The following PPP6R2 variants were observed in gnomAD, a reference collection of about 807,000 sequenced individuals.
PPP6R2 encodes serine/threonine-protein phosphatase 6 regulatory subunit 2.
Under a neutral mutation model 100.2 loss-of-function variants are expected in PPP6R2, and 62 were observed. The observed-to-expected ratio is 0.62, with a 90% CI of 0.50 to 0.76. The LOEUF (loss-of-function observed/expected upper bound fraction) is 0.76, where lower values mean the gene tolerates loss of function less well. Ranked by LOEUF, PPP6R2 falls within the 30% of genes least tolerant of loss-of-function variation. PPP6R2 has a pLI of 0.00. For missense variants in PPP6R2, 1,142 were observed against 1,276.3 expected, an observed-to-expected ratio of 0.89 and a Z score of 1.60; for synonymous variants, 525 against 514.7, an observed-to-expected ratio of 1.02 and a Z score of -0.27.
upstream of PPP6R2, among the ~76,000 whole-genome samples, chr22:50,339,718 GGGTGTGTGT>G (rs2042347974): frequency 7.2e-6 from 1 of 139,022 alleles, no homozygotes; most frequent in African/African-American, 2.7e-5. Context: ...GGTGTGTGTA[GGGTGTGTGT>G]TGTGTGTGTG....
chr22:50,437,986 G>C, intron 17 of PPP6R2, 86 bp downstream of exon 17: 2 of 1,539,162 alleles, frequency 1.3e-6, no homozygotes, highest in Admixed American at 1.8e-5. Context: ...TCATGGGCCT[G>C]TGCGGTGGGG....
rs140892578 is a variant in PPP6R2, at chr22:50,359,311, C to T, written c.-147-12709C>T. Among the ~76,000 whole-genome samples, 190 of 151,216 alleles carry T rather than the reference C, an allele frequency of 1.3e-3. 1 individual carries two copies. In the East Asian group the frequency reaches 0.035, roughly 28 times the overall value. ...TCCGCTCACTGCAAGCTCTGCCTCCCGGCTTCATGCCATTCTCCTGCCTCA... is the reference window on the plus strand; with the variant it reads ...TCCGCTCACTGCAAGCTCTGCCTCCTGGCTTCATGCCATTCTCCTGCCTCA... On this transcript the variant is annotated intron_variant, in intron 1 of 23. Coordinates refer to ENST00000612753, the MANE Select transcript of PPP6R2 (RefSeq NM_001242898.2).
At chr22:50,436,590 G>A (rs2064329518) in intron 14 of PPP6R2, 138 bp downstream of exon 14, 1 of 818,320 alleles carries the variant, frequency 1.2e-6, no homozygotes, top group East Asian at 2.7e-5. Context: ...ACTATGCGGT[G>A]CCCCTGCATA....
At chr22:50,421,098 C>G (rs2061273982) in intron 8 of PPP6R2, among the ~76,000 whole-genome samples, 1 of 152,196 alleles carries the variant, frequency 6.6e-6, no homozygotes, top group Non-Finnish European at 1.5e-5. Flanking sequence ...CTCTCTCTCT[C>G]TCTCTCTCTG....
chr22:50,410,144 C>T (rs2059538007), intron 4 of PPP6R2, among the ~76,000 whole-genome samples: 3 of 151,612 alleles, frequency 2.0e-5, no homozygotes, highest in African/African-American at 7.3e-5. Context: ...CTACATTCTC[C>T]CTCTCCATAC....
chr22:50,403,966 A>C (rs2058443892), intron 3 of PPP6R2, among the ~76,000 whole-genome samples: 1 of 152,162 alleles, frequency 6.6e-6, no homozygotes. Context: ...GTCCAGTGCT[A>C]GGGCTGCCTC....
intron 17 of PPP6R2, 82 bp from the exon 18 acceptor site, chr22:50,438,092 C>A: frequency 6.5e-7 from 1 of 1,541,962 alleles, no homozygotes; most frequent in South Asian, 1.3e-5. Context: ...CCGAACTAAG[C>A]CCCTCTGGGA....
chr22:50,424,552 G>A (rs1008769214), intron 10 of PPP6R2, among the ~76,000 whole-genome samples: 12 of 151,730 alleles, frequency 7.9e-5, no homozygotes, highest in African/African-American at 2.9e-4. Context: ...ATGAGTTCTG[G>A]GCACTGCTTT....
At chr22:50,398,102 G>A (rs537151795) in intron 3 of PPP6R2, among the ~76,000 whole-genome samples, 1 of 152,192 alleles carries the variant, frequency 6.6e-6, no homozygotes, top group African/African-American at 2.4e-5. Context: ...GGAGGCTGAG[G>A]TGGGAGGATC....
At chr22:50,373,774 C>T (rs1178133795) in intron 2 of PPP6R2, among the ~76,000 whole-genome samples, 1 of 151,842 alleles carries the variant, frequency 6.6e-6, no homozygotes, top group Non-Finnish European at 1.5e-5. Flanking sequence ...TGCTCTGTTG[C>T]CCATGCTGGA....
In PPP6R2 at chr22:50,432,267, G is replaced by A; in HGVS notation, c.1338G>A (p.Leu446=). The A allele has an allele frequency of 6.5e-7, 1 of 1,549,942 alleles. No homozygotes were observed. The highest frequency in any genetic ancestry group is 8.7e-7 in the Non-Finnish European group (1 of 1,147,028). The part of the protein sequence containing the change: ...SLPDNTMVTH[L]FQKCCLVQRI... ...TGTCCCCCTGCCCCGCCCCCCAGCT[G>A]TTCCAGAAGTGCTGCCTGGTGCAGA... The change falls in exon 12 of 24, where the codon CTG becomes CTA. Residue 446 remains leucine (L), a splice_region_variant and synonymous_variant. Transcript: ENST00000612753.
At chr22:50,439,649 T>A in intron 19 of PPP6R2, 52 bp from the exon 20 acceptor site, 1 of 1,472,866 alleles carries the variant, frequency 6.8e-7, no homozygotes, top group Non-Finnish European at 9.0e-7. Flanking sequence ...CCCCTTTGCC[T>A]GCAGCACCCC....
chr22:50,364,585 A>G (rs1417820244), intron 1 of PPP6R2, among the ~76,000 whole-genome samples: 1 of 152,266 alleles, frequency 6.6e-6, no homozygotes, highest in Non-Finnish European at 1.5e-5. Flanking sequence ...TCTCTGAAAG[A>G]TATAAACAGT....
intron 2 of PPP6R2, among the ~76,000 whole-genome samples, chr22:50,388,725 A>C (rs1167715385): frequency 6.6e-6 from 1 of 152,114 alleles, no homozygotes; most frequent in Non-Finnish European, 1.5e-5. Context: ...TACAAAAGTT[A>C]GCTGGGTATG....
chr22:50,401,007 ACTT>A (rs896557756), intron 3 of PPP6R2, among the ~76,000 whole-genome samples: 2 of 151,204 alleles, frequency 1.3e-5, no homozygotes, highest in African/African-American at 4.9e-5. Flanking sequence ...CATCTGAGAG[ACTT>A]CTTCATCTTT....
At chr22:50,427,910 C>CAGGG (rs2062460416) in intron 10 of PPP6R2, among the ~76,000 whole-genome samples, 1 of 152,194 alleles carries the variant, frequency 6.6e-6, no homozygotes, top group African/African-American at 2.4e-5. Context: ...TTAGTAGAGA[C>CAGGG]AGGGTTTCAC....
intron 4 of PPP6R2, among the ~76,000 whole-genome samples, chr22:50,412,338 C>G (rs1388142984): frequency 6.6e-6 from 1 of 151,216 alleles, no homozygotes; most frequent in African/African-American, 2.4e-5. Flanking sequence ...ATTACAGCCA[C>G]CCACCACCAC....
the PPP6R2 span, among the ~76,000 whole-genome samples, chr22:50,333,266 C>A: frequency 6.6e-6 from 1 of 151,452 alleles, no homozygotes; most frequent in Non-Finnish European, 1.5e-5. Context: ...TAATTCTGTC[C>A]TGTCTTCATT....
At position 50,427,132 on chromosome 22, in the gene PPP6R2, TG is replaced by T. The variant is rs903758819; in HGVS notation, c.1125+3519del. On this transcript the variant is annotated intron_variant, in intron 10 of 23. Coordinates refer to ENST00000612753, the MANE Select transcript of PPP6R2 (RefSeq NM_001242898.2). ...TGAACCCGGGAGGTGGAGCTTGCAGTGAGCCGAGATTGTGCCACTGCACTCC... is the reference window on the plus strand; with the variant it reads ...TGAACCCGGGAGGTGGAGCTTGCAGTAGCCGAGATTGTGCCACTGCACTCC... Among the ~76,000 whole-genome samples the T allele has an allele frequency of 2.0e-5, 3 of 148,160 alleles. No individual in the cohort carries two copies. The Admixed American group carries it at 2.1e-4, about 10-fold the overall frequency.
Sources: gnomAD v4.1 joint callset for allele counts (sites outside exome capture counted in the v4.1 genomes callset) on GRCh38, gnomAD v4.1.1 for gene constraint, MANE v1.5 for transcripts, NCBI Gene and HGNC (gene_info 2026-07-23, HGNC 2026-07-21) for gene names.